The following SLC2A13 variants were observed in gnomAD, a reference collection of about 807,000 sequenced individuals.
SLC2A13 encodes solute carrier family 2 member 13, also known as proton myo-inositol cotransporter.
Under a neutral mutation model 64.4 loss-of-function variants are expected in SLC2A13, and 32 were observed. The observed-to-expected ratio is 0.50, with a 90% CI of 0.37 to 0.67. SLC2A13 has a LOEUF of 0.67. SLC2A13 is among the 30% of genes least tolerant of loss of function. The probability of loss-of-function intolerance (pLI) is 0.00; values close to 1 mark genes in which losing one functional copy is unlikely to be tolerated. For synonymous variants in SLC2A13, 338 were observed against 327.1 expected (o/e 1.03, Z -0.36); for missense variants, 743 against 829.2 (o/e 0.90, Z 1.28).
At chr12:39,962,853 C>T (rs1036767950) in intron 3 of SLC2A13, among the ~76,000 whole-genome samples, 1 of 152,122 alleles carries the variant, frequency 6.6e-6, no homozygotes, top group African/African-American at 2.4e-5. Flanking sequence ...AGGTTCCTTA[C>T]CTTCCCTGAG....
At chr12:40,096,224 C>A (rs559544742) in intron 1 of SLC2A13, among the ~76,000 whole-genome samples, 2 of 151,998 alleles carry the variant, frequency 1.3e-5, no homozygotes, top group African/African-American at 4.8e-5. Flanking sequence ...CCACCGCACC[C>A]GGCCAGCCCT....
intron 1 of SLC2A13, among the ~76,000 whole-genome samples, chr12:40,094,622 G>A (rs1938877000): frequency 6.6e-6 from 1 of 152,206 alleles, no homozygotes; most frequent in Non-Finnish European, 1.5e-5. Context: ...CAGTGGAGTG[G>A]TAAGGATGAG....
chr12:39,993,712 G>C (rs887370761), intron 3 of SLC2A13, among the ~76,000 whole-genome samples: 6 of 152,144 alleles, frequency 3.9e-5, no homozygotes, highest in Non-Finnish European at 8.8e-5. Flanking sequence ...TTATTTAATA[G>C]GTCATGAGCC....
At chr12:40,044,765 T>C (rs1463856328) in intron 2 of SLC2A13, among the ~76,000 whole-genome samples, 1 of 152,204 alleles carries the variant, frequency 6.6e-6, no homozygotes, top group Non-Finnish European at 1.5e-5. Flanking sequence ...AACTATAATG[T>C]TTCTACAACA....
chr12:39,988,186 G>A (rs1472020555), intron 3 of SLC2A13, among the ~76,000 whole-genome samples: 1 of 152,022 alleles, frequency 6.6e-6, no homozygotes, highest in East Asian at 1.9e-4. Flanking sequence ...TTTTGTAAAT[G>A]TCTTATTTTT....
At position 40,078,683 on chromosome 12, in the gene SLC2A13, T is replaced by A. The variant is rs149200768; in HGVS notation, c.556+26570A>T. ...GAGAGGAGTCCCTCTTACTCAATAT[T>A]TTCTAGAAGTTCCAATAGGATTGAT... is the stretch of plus-strand genomic sequence containing the variant. On this transcript the variant is annotated intron_variant, in intron 1 of 9. Transcript: ENST00000280871. 4.9e-3 allele frequency among the ~76,000 whole-genome samples: 744 copies of A among 152,276 alleles called. 2 individuals are homozygous for A. The highest frequency in any genetic ancestry group is 7.3e-3 in the Non-Finnish European group (495 of 68,000).
chr12:39,823,232 C>G (rs1447617155), intron 7 of SLC2A13, among the ~76,000 whole-genome samples: 1 of 152,182 alleles, frequency 6.6e-6, no homozygotes, highest in Non-Finnish European at 1.5e-5. Context: ...CACTATACTT[C>G]TCTCTATAAA....
intron 4 of SLC2A13, among the ~76,000 whole-genome samples, chr12:39,899,793 G>A (rs1226696465): frequency 6.6e-6 from 1 of 152,096 alleles, no homozygotes; most frequent in Admixed American, 6.6e-5. Context: ...GAGCAGTTTT[G>A]AGTGAGTTTC....
At chr12:39,962,697 T>C (rs1054195354) in intron 3 of SLC2A13, among the ~76,000 whole-genome samples, 2 of 152,176 alleles carry the variant, frequency 1.3e-5, no homozygotes, top group African/African-American at 4.8e-5. Context: ...ATAGATATTA[T>C]ATGCAAGGAA....
intron 1 of SLC2A13, among the ~76,000 whole-genome samples, chr12:40,100,963 C>A (rs1939126291): frequency 1.6e-5 from 1 of 63,592 alleles, no homozygotes. Flanking sequence ...GAAGTTCCAT[C>A]TCAGACAAAA....
At chr12:40,018,322 T>A (rs1484059290) in intron 3 of SLC2A13, among the ~76,000 whole-genome samples, 3 of 152,206 alleles carry the variant, frequency 2.0e-5, no homozygotes, top group African/African-American at 7.2e-5. Context: ...TCTGGCCCTT[T>A]ACAGAAAAAG....
intron 1 of SLC2A13, among the ~76,000 whole-genome samples, chr12:40,079,445 T>C (rs976759711): frequency 7.9e-5 from 12 of 152,216 alleles, no homozygotes; most frequent in African/African-American, 2.9e-4. Context: ...TTGATTTCTA[T>C]TTTTATTGCA....
chr12:40,008,330 G>T (rs1281147583), intron 3 of SLC2A13, among the ~76,000 whole-genome samples: 1 of 152,120 alleles, frequency 6.6e-6, no homozygotes, highest in Non-Finnish European at 1.5e-5. Context: ...ACAATTGGCT[G>T]GGCACAGTGG....
intron 3 of SLC2A13, among the ~76,000 whole-genome samples, chr12:39,961,547 A>G (rs1013533984): frequency 6.6e-6 from 1 of 152,164 alleles, no homozygotes; most frequent in African/African-American, 2.4e-5. Flanking sequence ...GCCCCAGACT[A>G]GAGTGCACTG....
At chr12:39,959,801 T>C (rs1278386136) in intron 3 of SLC2A13, among the ~76,000 whole-genome samples, 1 of 152,200 alleles carries the variant, frequency 6.6e-6, no homozygotes, top group Non-Finnish European at 1.5e-5. Context: ...AAATAAATAA[T>C]TTTCTTTTTA....
At chr12:39,854,887 G>A (rs1243615292) in intron 6 of SLC2A13, among the ~76,000 whole-genome samples, 2 of 152,154 alleles carry the variant, frequency 1.3e-5, no homozygotes, top group South Asian at 2.1e-4. Flanking sequence ...TCATTGGTCT[G>A]AGAAACTCCA....
intron 2 of SLC2A13, among the ~76,000 whole-genome samples, chr12:40,033,440 T>A (rs1947933779): frequency 6.6e-6 from 1 of 152,220 alleles, no homozygotes; most frequent in Non-Finnish European, 1.5e-5. Flanking sequence ...CTGTCACTCC[T>A]AATTGTGCCC....
chr12:39,787,260 A>C (rs1253702889), intron 7 of SLC2A13, among the ~76,000 whole-genome samples: 1 of 152,192 alleles, frequency 6.6e-6, no homozygotes, highest in East Asian at 1.9e-4. Context: ...TACTTAACCT[A>C]CCTGAGACAT....
chr12:39,929,710 A>T (rs558617406), intron 4 of SLC2A13, among the ~76,000 whole-genome samples: 1 of 152,318 alleles, frequency 6.6e-6, no homozygotes, highest in South Asian at 2.1e-4. Flanking sequence ...AGAAGAGCAG[A>T]ATCACAGGAT....
Sources: gnomAD v4.1 joint callset for allele counts (sites outside exome capture counted in the v4.1 genomes callset) on GRCh38, gnomAD v4.1.1 for gene constraint, MANE v1.5 for transcripts, NCBI Gene and HGNC (gene_info 2026-07-23, HGNC 2026-07-21) for gene names.